The following MEGF11 variants were observed in gnomAD, a reference collection of about 807,000 sequenced individuals.
The protein encoded by MEGF11 is multiple EGF like domains 11.
Under a neutral mutation model 146.6 loss-of-function variants are expected in MEGF11, and 126 were observed. The observed-to-expected ratio is 0.86, with a 90% CI of 0.74 to 1.00. The LOEUF (loss-of-function observed/expected upper bound fraction) is 1.00, where lower values mean the gene tolerates loss of function less well. Ranked by LOEUF, MEGF11 falls within the 50% of genes least tolerant of loss-of-function variation. MEGF11 has a pLI of 0.00. For synonymous variants in MEGF11, 532 were observed against 583.4 expected (o/e 0.91, Z 1.27); for missense variants, 1,509 against 1,521.2 (o/e 0.99, Z 0.13).
At chr15:66,136,360 C>A (rs1225106137) in intron 1 of MEGF11, among the ~76,000 whole-genome samples, 2 of 152,092 alleles carry the variant, frequency 1.3e-5, no homozygotes, top group African/African-American at 4.8e-5. Context: ...AGCCAAGAGC[C>A]CACACTAGGA....
At chr15:66,034,160 T>G (rs2083637417) in intron 5 of MEGF11, among the ~76,000 whole-genome samples, 1 of 152,236 alleles carries the variant, frequency 6.6e-6, no homozygotes, top group Non-Finnish European at 1.5e-5. Flanking sequence ...GTCCTATACC[T>G]GTCCCACCAT....
In MEGF11 at chr15:66,201,678, G is replaced by A. The variant is rs570949081; in HGVS notation, c.-9+51927C>T. ...AGGCCGGGTACGGTGGCTCATGCCT[G>A]TAATACCAGCACTTTGGGAGGCCGA... On this transcript the variant is annotated intron_variant, in intron 1 of 25. Transcript: ENST00000395614. Among the ~76,000 whole-genome samples the A allele has an allele frequency of 2.6e-5, 4 of 151,136 alleles. No individual in the cohort carries two copies. The South Asian group carries it at 8.3e-4, about 31-fold the overall frequency.
chr15:66,235,829 C>CA (rs2092078072), intron 1 of MEGF11, among the ~76,000 whole-genome samples: 1 of 152,158 alleles, frequency 6.6e-6, no homozygotes, highest in African/African-American at 2.4e-5. Flanking sequence ...GAGCCACAGG[C>CA]AAGCATCAAG....
At chr15:65,948,649 C>T (rs1395120746) in intron 10 of MEGF11, among the ~76,000 whole-genome samples, 9 of 152,180 alleles carry the variant, frequency 5.9e-5, no homozygotes, top group South Asian at 2.1e-4. Context: ...ACTGAACATT[C>T]GCTACGTGCC....
intron 5 of MEGF11, among the ~76,000 whole-genome samples, chr15:66,084,722 G>A (rs567589376): frequency 6.6e-6 from 1 of 152,208 alleles, no homozygotes; most frequent in African/African-American, 2.4e-5. Flanking sequence ...AGAGGAGCAG[G>A]AGGTAAAACT....
At chr15:65,948,626 C>G (rs540875212) in intron 10 of MEGF11, among the ~76,000 whole-genome samples, 4 of 152,284 alleles carry the variant, frequency 2.6e-5, no homozygotes, top group African/African-American at 9.6e-5. Flanking sequence ...ATAATAAACC[C>G]TGACAAACAT....
In MEGF11 at chr15:65,895,898, A is replaced by C. The variant is rs1200478108; in HGVS notation, c.*2036T>G. 1 of 152,238 alleles carries C rather than the reference A, an allele frequency of 6.6e-6. No individual in the cohort carries two copies. The highest frequency in any genetic ancestry group is 1.5e-5 in the Non-Finnish European group (1 of 68,044). 9.4% of individuals were successfully genotyped at this position (152,238 alleles called of 1,614,324 possible). On this transcript the variant is annotated 3_prime_UTR_variant, in exon 26 of 26. Transcript: ENST00000395614. ...TGTCTAGCCATTCCACCTCTTGCTG[A>C]ATACCTTTGCCCAGAGGATAGTTGA...
chr15:66,097,284 G>A (rs1342358597), intron 4 of MEGF11, among the ~76,000 whole-genome samples: 2 of 152,206 alleles, frequency 1.3e-5, no homozygotes, highest in Non-Finnish European at 2.9e-5. Context: ...GGGTGCTGCG[G>A]GGAGAGTCTC....
At chr15:66,040,925 T>TC (rs1202284962) in intron 5 of MEGF11, among the ~76,000 whole-genome samples, 4 of 150,934 alleles carry the variant, frequency 2.7e-5, no homozygotes, top group South Asian at 4.2e-4. Context: ...TTTTTTTTTT[T>TC]TCCCCCCCGG....
chr15:65,936,087 G>A (rs1386089413), intron 10 of MEGF11, among the ~76,000 whole-genome samples: 2 of 152,182 alleles, frequency 1.3e-5, no homozygotes, highest in South Asian at 2.1e-4. Flanking sequence ...GTCTACATGG[G>A]TTGGCATTGA....
chr15:66,110,353 C>T (rs1346577160), intron 4 of MEGF11, among the ~76,000 whole-genome samples: 1 of 152,208 alleles, frequency 6.6e-6, no homozygotes, highest in Non-Finnish European at 1.5e-5. Context: ...TGAATCATCA[C>T]CTGGGTCTCA....
rs56946606 is a variant in MEGF11 at position 65,962,995 on chromosome 15, G to A, written c.1112+1913C>T. On this transcript the variant is annotated intron_variant, in intron 9 of 25. Coordinates refer to ENST00000395614, the MANE Select transcript of MEGF11 (RefSeq NM_001385028.1). ...AGTCCTTTCAGATTAATAATGCATCGAGGACTCCTTCAGAGGAAGGATGAA... is the reference window on the plus strand; with the variant it reads ...AGTCCTTTCAGATTAATAATGCATCAAGGACTCCTTCAGAGGAAGGATGAA... 3.9e-3 allele frequency among the ~76,000 whole-genome samples: 597 copies of A among 152,318 alleles called. 3 individuals are homozygous for A. The highest frequency in any genetic ancestry group is 0.014 in the African/African-American group (578 of 41,552).
At chr15:65,934,746 C>G (rs184214522) in intron 10 of MEGF11, among the ~76,000 whole-genome samples, 1 of 152,108 alleles carries the variant, frequency 6.6e-6, no homozygotes, top group African/African-American at 2.4e-5. Flanking sequence ...TCCCATGTAA[C>G]GAAGTCTCCA....
chr15:66,112,097 A>T (rs1262645495), intron 4 of MEGF11, among the ~76,000 whole-genome samples: 1 of 151,732 alleles, frequency 6.6e-6, no homozygotes, highest in Non-Finnish European at 1.5e-5. Flanking sequence ...AAAAAGTACA[A>T]CCTGTACAAG....
chr15:66,221,272 C>T (rs1417391827), intron 1 of MEGF11, among the ~76,000 whole-genome samples: 5 of 152,114 alleles, frequency 3.3e-5, no homozygotes, highest in African/African-American at 4.8e-5. Context: ...GCCTGGGTCA[C>T]GGGCTCGCAG....
intron 1 of MEGF11, among the ~76,000 whole-genome samples, chr15:66,175,360 C>T (rs2090364710): frequency 6.6e-6 from 1 of 152,084 alleles, no homozygotes; most frequent in Non-Finnish European, 1.5e-5. Flanking sequence ...CCCTGAAGAG[C>T]CAAAACAATC....
intron 4 of MEGF11, among the ~76,000 whole-genome samples, chr15:66,108,725 G>T (rs567327058): frequency 2.0e-5 from 3 of 152,270 alleles, no homozygotes; most frequent in Admixed American, 2.0e-4. Flanking sequence ...GAGTCAGCTG[G>T]GGCCAGGCTA....
intron 1 of MEGF11, among the ~76,000 whole-genome samples, chr15:66,240,104 C>CG (rs1450602431): frequency 6.6e-6 from 1 of 152,132 alleles, no homozygotes; most frequent in Non-Finnish European, 1.5e-5. Flanking sequence ...CCCCAGCCCC[C>CG]CAATAAAGCA....
intron 4 of MEGF11, among the ~76,000 whole-genome samples, chr15:66,100,642 T>C (rs1361651793): frequency 1.3e-5 from 2 of 152,216 alleles, no homozygotes; most frequent in Non-Finnish European, 2.9e-5. Context: ...GAACAATGCC[T>C]GGCACATGGG....
Sources: gnomAD v4.1 joint callset for allele counts (sites outside exome capture counted in the v4.1 genomes callset) on GRCh38, gnomAD v4.1.1 for gene constraint, MANE v1.5 for transcripts, NCBI Gene and HGNC (gene_info 2026-07-23, HGNC 2026-07-21) for gene names.